Variants in ABCA8 observed in about 807,000 individuals in gnomAD.
ABCA8 encodes the protein ATP binding cassette subfamily A member 8.
In ABCA8, 177 loss-of-function variants were observed where a neutral mutation model predicts 192.3. The observed-to-expected ratio is 0.92, with a 90% confidence interval of 0.81 to 1.04. The LOEUF is 1.04. Ranked by LOEUF, ABCA8 falls within the 50% of genes least tolerant of loss-of-function variation. The pLI, the probability that ABCA8 is intolerant of heterozygous loss-of-function variation, is 0.00. For missense variants in ABCA8, 1,915 were observed against 1,904.8 expected (o/e 1.01, Z -0.10); for synonymous variants, 642 against 690.2 (o/e 0.93, Z 1.09).
intron 19 of ABCA8, among the ~76,000 whole-genome samples, chr17:68,904,491 A>G (rs2067010215): frequency 6.6e-6 from 1 of 152,088 alleles, no homozygotes; most frequent in African/African-American, 2.4e-5. Context: ...AAACATTTCT[A>G]GGGGGAGAAG....
rs1294647011 is a variant in ABCA8 at position 68,911,854 on chromosome 17, G to A, written c.2139-3975C>T. On this transcript the variant is annotated intron_variant, in intron 17 of 39. Coordinates refer to ENST00000586539, the MANE Select transcript of ABCA8 (RefSeq NM_001288985.2). This position sits in a 1 kb window ranked among gnomAD's most constrained non-coding sequence, Gnocchi z 5.7. Reference sequence around the variant, plus strand: ...TTCTCCAAGAGCACCAAAGTGGTACGTCGAAGAGTCTGCAAGAATCACCAT... The same window carrying A: ...TTCTCCAAGAGCACCAAAGTGGTACATCGAAGAGTCTGCAAGAATCACCAT... 2.0e-5 allele frequency among the ~76,000 whole-genome samples: 3 copies of A among 152,112 alleles called. No homozygotes were observed. Among genetic ancestry groups the A allele is most frequent in the Non-Finnish European group, 4.4e-5 (3 of 68,024 alleles).
intron 37 of ABCA8, among the ~76,000 whole-genome samples, chr17:68,871,007 T>A (rs1164145456): frequency 1.3e-5 from 2 of 152,168 alleles, no homozygotes; most frequent in South Asian, 2.1e-4. Flanking sequence ...GCAACAGTTA[T>A]TTTTTTGGGG....
chr17:68,891,238 CT>C (rs202133038), intron 24 of ABCA8, among the ~76,000 whole-genome samples: 5 of 149,848 alleles, frequency 3.3e-5, no homozygotes, highest in Admixed American at 6.7e-5. Context: ...TCCAGCTTTG[CT>C]TTTTTTTTCA....
Position 68,917,467 on chromosome 17 carries a change from A to C in ABCA8, c.2048-16T>G. 1 of 1,589,002 alleles carries C rather than the reference A, an allele frequency of 6.3e-7. No individual in the cohort carries two copies. The highest frequency in any genetic ancestry group is 1.1e-5 in the South Asian group (1 of 88,610). On this transcript the variant is annotated splice_polypyrimidine_tract_variant and intron_variant, in intron 16 of 39. Transcript: ENST00000586539. Reference sequence around the variant, plus strand: ...ACTTTCCTGTCTGAAAAAGAAGAAGAGCAAAGAAGAAAGTTTGTTAAAAAG... The same window carrying C: ...ACTTTCCTGTCTGAAAAAGAAGAAGCGCAAAGAAGAAAGTTTGTTAAAAAG...
At chr17:68,895,387 A>C (rs1263186005) in intron 21 of ABCA8, among the ~76,000 whole-genome samples, 1 of 152,158 alleles carries the variant, frequency 6.6e-6, no homozygotes, top group East Asian at 1.9e-4. Context: ...AATTTTCTTG[A>C]TACTGGAAGA....
rs770830064 is a variant in ABCA8 at position 68,933,268 on chromosome 17, T to A, written c.470A>T (p.His157Leu). The change falls in exon 6 of 40, where the codon CAT becomes CTT. Residue 157 changes from histidine (H) to leucine (L), a missense_variant. Transcript: ENST00000586539. ...AKKEHKDHTA[H>L]CYETNEDVYC... ...AACATCTTCATTTGTTTCATAACAA[T>A]GAGCTTTGTGAAAAAACAAATCATA... 6.3e-7 allele frequency: 1 copy of A among 1,595,768 alleles called. No individual in the cohort carries two copies. Among genetic ancestry groups the A allele is most frequent in the Non-Finnish European group, 8.6e-7 (1 of 1,166,768 alleles).
chr17:68,889,916 G>A (rs2066584644), intron 24 of ABCA8, among the ~76,000 whole-genome samples: 1 of 152,058 alleles, frequency 6.6e-6, no homozygotes, highest in Non-Finnish European at 1.5e-5. Flanking sequence ...GTATTCCATT[G>A]TATGGCTATA....
rs2067402903 is a variant in ABCA8, at chr17:68,917,442, A to G, written c.2057T>C (p.Val686Ala). 2 of 1,607,736 alleles carry G rather than the reference A, an allele frequency of 1.2e-6. No homozygotes were observed. The highest frequency in any genetic ancestry group is 8.5e-7 in the Non-Finnish European group (1 of 1,177,352). The change falls in exon 17 of 40, where the codon GTA becomes GCA. Residue 686 changes from valine (V) to alanine (A), a missense_variant. Coordinates refer to ENST00000586539, the MANE Select transcript of ABCA8 (RefSeq NM_001288985.2). ...CTTTAGCTTCCCTTGGGAGAGAAAT[A>G]CTTTCCTGTCTGAAAAAGAAGAAGA... ...DEADILADRK[V>A]FLSQGKLKCA...
Position 68,877,692 on chromosome 17 carries a change from G to A in ABCA8, c.4039-13C>T. ...CTTTCAGTAGCACCTGCAGATGAAA[G>A]TTCCCTCTCAGAACCTACCTTCTGC... On this transcript the variant is annotated splice_polypyrimidine_tract_variant and intron_variant, in intron 32 of 39. Transcript: ENST00000586539. 1 of 1,605,996 alleles carries A rather than the reference G, an allele frequency of 6.2e-7. No homozygotes were observed. Among genetic ancestry groups the A allele is most frequent in the Non-Finnish European group, 8.5e-7 (1 of 1,175,370 alleles).
At chr17:68,885,917 G>T (rs1224635792) in intron 26 of ABCA8, among the ~76,000 whole-genome samples, 4 of 151,960 alleles carry the variant, frequency 2.6e-5, no homozygotes, top group African/African-American at 7.3e-5. Flanking sequence ...AAAAATCAAA[G>T]AAAACATTGA....
At chr17:68,928,711 G>T (rs529017985) in intron 9 of ABCA8, among the ~76,000 whole-genome samples, 1 of 151,950 alleles carries the variant, frequency 6.6e-6, no homozygotes, top group Non-Finnish European at 1.5e-5. Flanking sequence ...TTTTAATCAC[G>T]TATTCTCTTC....
chr17:68,954,346 C>A (rs1465466239), intron 1 of ABCA8, among the ~76,000 whole-genome samples: 2 of 152,004 alleles, frequency 1.3e-5, no homozygotes, highest in South Asian at 2.1e-4. Flanking sequence ...ATGGAATCAG[C>A]TACAGTCTTA....
chr17:68,920,693 T>C lies in ABCA8; in HGVS notation c.1612+689A>G, dbSNP rs540831564. 2.6e-5 allele frequency among the ~76,000 whole-genome samples: 4 copies of C among 152,296 alleles called. No individual in the cohort carries two copies. In the South Asian group the frequency reaches 8.3e-4, roughly 32 times the overall value. ...CAATTGACTTTGAAAATAAACTAGT[T>C]TTTACCACAGGTGCTGGAGAGGATG... is the stretch of plus-strand genomic sequence containing the variant. On this transcript the variant is annotated intron_variant, in intron 13 of 39. Transcript: ENST00000586539.
chr17:68,884,432 T>C (rs749286113), intron 27 of ABCA8, 36 bp from the exon 28 acceptor site: 3 of 1,547,892 alleles, frequency 1.9e-6, no homozygotes, highest in Non-Finnish European at 2.6e-6. Flanking sequence ...ACAGGGAGTT[T>C]TTTGTTTCCT....
rs990544150 is a variant in ABCA8 at position 68,868,301 on chromosome 17, C to T, written c.4767G>A (p.Gln1589=). The T allele has an allele frequency of 6.2e-7, 1 of 1,613,680 alleles. No homozygotes were observed. ...ATACGAATCCCTAAAAATGACCCACCTGCTCCAGGGTAGACTGTGAGAGGC... is the reference window on the plus strand; with the variant it reads ...ATACGAATCCCTAAAAATGACCCACTTGCTCCAGGGTAGACTGTGAGAGGC... ...EYSLSQSTLE[Q]VFLELSKEQE... The change falls in exon 39 of 40, where the codon CAG becomes CAA. Residue 1589 remains glutamine (Q), a splice_region_variant and synonymous_variant. Transcript: ENST00000586539.
At position 68,905,610 on chromosome 17, in the gene ABCA8, G is replaced by GA. The variant is rs4148024; in HGVS notation, c.2398+433dup. On this transcript the variant is annotated intron_variant, in intron 19 of 39. Transcript: ENST00000586539. ...GATAGTGTCCAATTTCTAACATAAA[G>GA]AAAAAAAAAAGAAAAACCTGACACC... Among the ~76,000 whole-genome samples the GA allele has an allele frequency of 8.5e-4, 126 of 147,498 alleles. 1 individual carries two copies. The highest frequency in any genetic ancestry group is 4.9e-3 in the South Asian group (23 of 4,658).
At chr17:68,951,141 C>T (rs1232315812) in intron 1 of ABCA8, among the ~76,000 whole-genome samples, 2 of 152,130 alleles carry the variant, frequency 1.3e-5, no homozygotes, top group Non-Finnish European at 2.9e-5. Flanking sequence ...CTGCAGACAC[C>T]ACACTACAAA....
intron 24 of ABCA8, among the ~76,000 whole-genome samples, chr17:68,887,917 T>TCC (rs1567830624): frequency 2.1e-5 from 1 of 48,572 alleles, no homozygotes; most frequent in Non-Finnish European, 3.2e-5. Flanking sequence ...TCCATATATA[T>TCC]ATATATATTA....
At position 68,887,395 on chromosome 17, in the gene ABCA8, A is replaced by G; in HGVS notation, c.3256T>C (p.Leu1086=). Residue 1086 remains leucine (L), a synonymous_variant, in exon 25 of 40, where the codon TTA becomes CTA. Coordinates refer to ENST00000586539, the MANE Select transcript of ABCA8 (RefSeq NM_001288985.2). ...LYFLVFVFIY[L]MSYISNFEDM... ...TCGAAGTTTGAAATGTAGCTCATTA[A>G]ATATATAAAAACGAAGACCAAGAAG... 1 of 1,613,074 alleles carries G rather than the reference A, an allele frequency of 6.2e-7. No individual in the cohort carries two copies. The highest frequency in any genetic ancestry group is 8.5e-7 in the Non-Finnish European group (1 of 1,179,308).
Sources: gnomAD v4.1 joint callset for allele counts (sites outside exome capture counted in the v4.1 genomes callset) on GRCh38, gnomAD v4.1.1 for gene constraint, Gnocchi (gnomAD v3.1) non-coding constraint, MANE v1.5 for transcripts, NCBI Gene and HGNC (gene_info 2026-07-23, HGNC 2026-07-21) for gene names.